RAB25: variants seen among roughly 807,000 people sequenced by gnomAD.
RAB25 encodes the protein RAB25, member RAS oncogene family.
A neutral mutation model predicts 25.2 loss-of-function variants in RAB25; 23 were observed. The observed-to-expected ratio is 0.91, with a 90% CI of 0.66 to 1.29. The LOEUF is 1.29. RAB25 is among the 50% of genes most tolerant of loss of function. The probability of loss-of-function intolerance (pLI) is 0.00; values close to 1 mark genes in which losing one functional copy is unlikely to be tolerated. For missense variants in RAB25, 244 were observed against 277.3 expected, an observed-to-expected ratio of 0.88 and a Z score of 0.85; for synonymous variants, 102 against 111.5, an observed-to-expected ratio of 0.91 and a Z score of 0.54.
intron 2 of RAB25, among the ~76,000 whole-genome samples, chr1:156,067,231 C>CAAA (rs386368386): frequency 1.8e-5 from 2 of 114,060 alleles, no homozygotes; most frequent in Admixed American, 8.8e-5. Flanking sequence ...GACTCTGTCT[C>CAAA]AAAAAAAAAA....
Position 156,070,140 on chromosome 1 carries a change from A to ACTGCGCT in RAB25, c.515-16_515-15insGCTCTGC. On this transcript the variant is annotated intron_variant, in intron 4 of 4. Coordinates refer to ENST00000361084, the MANE Select transcript of RAB25 (RefSeq NM_020387.4). ...GGGCTCTAAATCTTCTGGCCTGATC[A>ACTGCGCT]CTGCCCTCTGCCCTCCCAGAAATCT... 1.2e-5 allele frequency: 20 copies of ACTGCGCT among 1,614,078 alleles called. No individual in the cohort carries two copies. The highest frequency in any genetic ancestry group is 1.7e-5 in the Non-Finnish European group (20 of 1,179,986).
chr1:156,066,864 C>T lies in RAB25; in HGVS notation c.239+758C>T, dbSNP rs578010098. On this transcript the variant is annotated intron_variant, in intron 2 of 4. Transcript: ENST00000361084. Reference sequence around the variant, plus strand: ...CTAAGGTGGGAGGATGGCTTGAACCCGGGAGGCGGAAGTTGCAGTGAGCCG... The same window carrying T: ...CTAAGGTGGGAGGATGGCTTGAACCTGGGAGGCGGAAGTTGCAGTGAGCCG... 5.9e-5 allele frequency among the ~76,000 whole-genome samples: 9 copies of T among 152,104 alleles called. No homozygotes were observed. In the South Asian group the frequency reaches 1.5e-3, roughly 25 times the overall value.
At chr1:156,063,243 C>A (rs947177219) in intron 1 of RAB25, among the ~76,000 whole-genome samples, 1 of 151,578 alleles carries the variant, frequency 6.6e-6, no homozygotes, top group Admixed American at 6.6e-5. Flanking sequence ...ACCTCCGCCT[C>A]CTGGGTTCAA....
intron 1 of RAB25, among the ~76,000 whole-genome samples, chr1:156,064,337 C>T (rs1308627602): frequency 6.6e-6 from 1 of 151,754 alleles, no homozygotes; most frequent in Non-Finnish European, 1.5e-5. Flanking sequence ...ACCTACGGGG[C>T]TCAAACAATC....
chr1:156,065,285 G>C (rs1294549333), intron 1 of RAB25, among the ~76,000 whole-genome samples: 1 of 152,132 alleles, frequency 6.6e-6, no homozygotes, highest in Non-Finnish European at 1.5e-5. Context: ...CTAACACCCA[G>C]GCCCATGCTC....
rs758368794 is a variant in RAB25 at position 156,069,715 on chromosome 1, A to G, written c.478A>G (p.Thr160Ala). The G allele has an allele frequency of 6.2e-7, 1 of 1,613,426 alleles. No homozygotes were observed. Among genetic ancestry groups the G allele is most frequent in the African/African-American group, 1.3e-5 (1 of 75,002 alleles). ...CCTGGAGACCTCAGCCCTGGACTCT[A>G]CCAATGTTGAGCTAGCCTTTGAGAC... is the stretch of plus-strand genomic sequence containing the variant. ...LFLETSALDS[T>A]NVELAFETVL... The change falls in exon 4 of 5, where the codon ACC becomes GCC. Residue 160 changes from threonine (T) to alanine (A), a missense_variant. Physicochemically the swap from Thr to Ala is moderately conservative, Grantham distance 58 (BLOSUM62 0). Coordinates refer to ENST00000361084, the MANE Select transcript of RAB25 (RefSeq NM_020387.4).
chr1:156,070,292 G>A lies in RAB25; in HGVS notation c.*5G>A. 6.2e-7 allele frequency: 1 copy of A among 1,612,430 alleles called. No homozygotes were observed. Among genetic ancestry groups the A allele is most frequent in the Non-Finnish European group, 8.5e-7 (1 of 1,178,760 alleles). On this transcript the variant is annotated 3_prime_UTR_variant, in exon 5 of 5. Transcript: ENST00000361084. ...GCCTGTTGCATCAGCCTCTGACCTT[G>A]GCCAGCACCACCTGCCCCCACTGGC... is the stretch of plus-strand genomic sequence containing the variant.
intron 3 of RAB25, 106 bp from the exon 4 acceptor site, chr1:156,069,565 C>T (rs991496775): frequency 5.7e-6 from 5 of 876,568 alleles, no homozygotes; most frequent in African/African-American, 1.7e-5. Context: ...TGATCTGCTA[C>T]ATGCCAAGAG....
chr1:156,066,688 C>T (rs1353121662), intron 2 of RAB25, among the ~76,000 whole-genome samples: 10 of 152,162 alleles, frequency 6.6e-5, no homozygotes, highest in African/African-American at 2.4e-4. Context: ...CCTGTAATCC[C>T]AGCACTTTGG....
chr1:156,067,298 G>C (rs1189934508), intron 2 of RAB25, among the ~76,000 whole-genome samples: 1 of 152,144 alleles, frequency 6.6e-6, no homozygotes, highest in Non-Finnish European at 1.5e-5. Flanking sequence ...TGTGAAATGG[G>C]GTCTGTTTGT....
intron 1 of RAB25, among the ~76,000 whole-genome samples, chr1:156,064,555 C>T (rs1229041216): frequency 6.6e-6 from 1 of 152,088 alleles, no homozygotes; most frequent in Non-Finnish European, 1.5e-5. Context: ...GCTGAGACTA[C>T]AGACACATGC....
rs180940659 is a variant in RAB25, at chr1:156,069,525, C to A, written c.434-146C>A. ...TTCTGGATTCAGTTTTCTAAATGAA[C>A]CTACCTTGTAAGTTGTTTTAAGGAT... On this transcript the variant is annotated intron_variant, in intron 3 of 4. Transcript: ENST00000361084. 9.0e-5 allele frequency: 61 copies of A among 678,312 alleles called. No individual in the cohort carries two copies. In the Middle Eastern group the frequency reaches 1.4e-3, roughly 15 times the overall value. The allele number at this position is 678,312 out of a possible 1,614,324, so 42.0% of individuals were successfully genotyped here.
chr1:156,070,095 G>A (rs151082047), intron 4 of RAB25, 65 bp from the exon 5 acceptor site: 7 of 1,612,658 alleles, frequency 4.3e-6, no homozygotes, highest in Admixed American at 1.7e-5. Context: ...TGTATGGGGG[G>A]GTTGGGGAGA....
At chr1:156,064,398 ACTTGG>A (rs997843678) in intron 1 of RAB25, among the ~76,000 whole-genome samples, 83 of 149,366 alleles carry the variant, frequency 5.6e-4, no homozygotes, top group African/African-American at 1.9e-3. Flanking sequence ...GTGCCACCAC[ACTTGG>A]CTAATTTTTT....
intron 1 of RAB25, among the ~76,000 whole-genome samples, chr1:156,064,437 G>A (rs759226614): frequency 4.3e-4 from 43 of 100,542 alleles, no homozygotes; most frequent in Non-Finnish European, 6.6e-4. Context: ...TTTTTTTTTT[G>A]AGTCGGAGTT....
At position 156,064,853 on chromosome 1, in the gene RAB25, T is replaced by A. The variant is rs1051741616; in HGVS notation, c.44-1058T>A. Among the ~76,000 whole-genome samples the A allele has an allele frequency of 1.2e-4, 19 of 152,238 alleles. 1 individual carries two copies. Among genetic ancestry groups the A allele is most frequent in the Non-Finnish European group, 1.5e-4 (10 of 68,040 alleles). On this transcript the variant is annotated intron_variant, in intron 1 of 4. Coordinates refer to ENST00000361084, the MANE Select transcript of RAB25 (RefSeq NM_020387.4). The stretch of plus-strand genomic sequence containing the variant: ...GGGACCAGAGCCCACAATATGTGGC[T>A]CCCAGTCCTTGGGTGCCAGCCTGCC...
intron 2 of RAB25, among the ~76,000 whole-genome samples, chr1:156,067,033 A>G (rs1293318235): frequency 6.6e-6 from 1 of 152,074 alleles, no homozygotes; most frequent in East Asian, 1.9e-4. Context: ...CAGGAGTTCG[A>G]GACCAGCCTG....
At chr1:156,069,253 C>T (rs1166252102) in intron 3 of RAB25, among the ~76,000 whole-genome samples, 2 of 152,144 alleles carry the variant, frequency 1.3e-5, no homozygotes, top group East Asian at 3.9e-4. Context: ...ACGATCTTGG[C>T]TCACTGCAAC....
chr1:156,065,399 C>T (rs763407142), intron 1 of RAB25, among the ~76,000 whole-genome samples: 16 of 152,130 alleles, frequency 1.1e-4, no homozygotes, highest in Non-Finnish European at 2.2e-4. Context: ...TGTCAACTGC[C>T]AAACTTTCTC....
Sources: gnomAD v4.1 joint callset for allele counts (sites outside exome capture counted in the v4.1 genomes callset) on GRCh38, gnomAD v4.1.1 for gene constraint, MANE v1.5 for transcripts, NCBI Gene and HGNC (gene_info 2026-07-23, HGNC 2026-07-21) for gene names.